The following MYRIP variants were observed in gnomAD, a reference collection of about 807,000 sequenced individuals.
MYRIP encodes the protein rab effector MyRIP.
Under a neutral mutation model 98.0 loss-of-function variants are expected in MYRIP, and 49 were observed. The observed-to-expected ratio is 0.50, with a 90% CI of 0.40 to 0.63. The LOEUF (loss-of-function observed/expected upper bound fraction) is 0.63, where lower values mean the gene tolerates loss of function less well. Ranked by LOEUF, MYRIP falls within the 30% of genes least tolerant of loss-of-function variation. The pLI is 0.00. For synonymous variants in MYRIP, 404 were observed against 409.5 expected (o/e 0.99, Z 0.16); for missense variants, 1,004 against 1,058.2 (o/e 0.95, Z 0.71).
At chr3:39,955,144 G>A (rs903681954) in intron 2 of MYRIP, among the ~76,000 whole-genome samples, 5 of 152,108 alleles carry the variant, frequency 3.3e-5, no homozygotes, top group African/African-American at 1.2e-4. Flanking sequence ...AGCAAGACAG[G>A]CCAACATTCA....
intron 2 of MYRIP, among the ~76,000 whole-genome samples, chr3:39,965,956 T>C (rs1431118611): frequency 6.6e-6 from 1 of 152,180 alleles, no homozygotes; most frequent in Admixed American, 6.6e-5. Context: ...GTGGTTGCAA[T>C]GAAATACACA....
At chr3:39,846,441 T>C (rs1941969777) in intron 1 of MYRIP, among the ~76,000 whole-genome samples, 2 of 152,218 alleles carry the variant, frequency 1.3e-5, no homozygotes. Context: ...TCATCAGCAG[T>C]ATCCCCTGGA....
chr3:40,068,682 C>T (rs934246662), intron 3 of MYRIP, among the ~76,000 whole-genome samples: 31 of 152,332 alleles, frequency 2.0e-4, no homozygotes, highest in African/African-American at 7.5e-4. Flanking sequence ...CCAGTCTCAG[C>T]CCTCTTGGGC....
At chr3:40,237,220 T>C (rs1433357015) in intron 12 of MYRIP, among the ~76,000 whole-genome samples, 2 of 152,166 alleles carry the variant, frequency 1.3e-5, no homozygotes, top group Non-Finnish European at 2.9e-5. Flanking sequence ...TCCTTTGGGC[T>C]CCCATAAAAC....
At chr3:40,075,474 T>G (rs73063961) in intron 3 of MYRIP, among the ~76,000 whole-genome samples, 4,789 of 152,290 alleles carry the variant, frequency 0.031, 119 homozygotes, top group Non-Finnish European at 0.045. Context: ...ACCTCCTGGG[T>G]GCAAATCCCA....
chr3:40,057,866 G>A (rs1947915787), intron 3 of MYRIP, among the ~76,000 whole-genome samples: 1 of 152,102 alleles, frequency 6.6e-6, no homozygotes, highest in Admixed American at 6.5e-5. Flanking sequence ...CCACTTATTT[G>A]CTGGGTGATG....
rs75139850 is a variant in MYRIP, at chr3:40,046,819, C to T, written c.332+2548C>T. Among the ~76,000 whole-genome samples, 940 of 152,022 alleles carry T rather than the reference C, an allele frequency of 6.2e-3. 9 individuals are homozygous for T. The highest frequency in any genetic ancestry group is 0.021 in the African/African-American group (883 of 41,462). ...ACTATACTGTGCTTCAGCATATTCCCCCACAAATAAAAGGAAGTATCAGTA... is the reference window on the plus strand; with the variant it reads ...ACTATACTGTGCTTCAGCATATTCCTCCACAAATAAAAGGAAGTATCAGTA... On this transcript the variant is annotated intron_variant, in intron 3 of 16. Transcript: ENST00000302541.
At chr3:40,099,887 GGGCAGCTTTAAATGAGCTTT>G (rs1181586720) in intron 3 of MYRIP, 5 of 649,632 alleles carry the variant, frequency 7.7e-6, no homozygotes, top group Non-Finnish European at 9.5e-6. Flanking sequence ...GTATTAAACC[GGGCAGCTTTAAATGAGCTTT>G]GGTGCCTCTC....
intron 2 of MYRIP, among the ~76,000 whole-genome samples, chr3:39,986,393 C>T (rs1946031544): frequency 6.6e-6 from 1 of 151,982 alleles, no homozygotes; most frequent in Non-Finnish European, 1.5e-5. Context: ...CTCTCTGTCT[C>T]TCTCTTTCTC....
Position 39,874,741 on chromosome 3 carries a change from A to G in MYRIP, c.-30-26046A>G, listed in dbSNP as rs928110789. Among the ~76,000 whole-genome samples the G allele has an allele frequency of 2.2e-4, 33 of 152,202 alleles. 1 individual carries two copies. In the Middle Eastern group the frequency reaches 0.017, roughly 78 times the overall value. On this transcript the variant is annotated intron_variant, in intron 1 of 16. Coordinates refer to ENST00000302541, the MANE Select transcript of MYRIP (RefSeq NM_015460.4). ...TTTGATGTGCTGCTGGATTCGGTTT[A>G]CCAGTATTTTATTGAGGATTTTTGC...
chr3:40,144,322 T>C (rs894470795), intron 3 of MYRIP, among the ~76,000 whole-genome samples: 1 of 152,192 alleles, frequency 6.6e-6, no homozygotes, highest in Non-Finnish European at 1.5e-5. Flanking sequence ...AGATCTCCAG[T>C]AGAAGCTCCC....
chr3:40,187,526 T>C (rs1322059829), intron 9 of MYRIP, among the ~76,000 whole-genome samples: 1 of 152,230 alleles, frequency 6.6e-6, no homozygotes, highest in Non-Finnish European at 1.5e-5. Flanking sequence ...AGTGAGGTTT[T>C]AGCTATGCCC....
At chr3:40,154,921 T>A (rs1575581225) in intron 4 of MYRIP, among the ~76,000 whole-genome samples, 2 of 152,328 alleles carry the variant, frequency 1.3e-5, no homozygotes, top group Middle Eastern at 3.4e-3. Context: ...TAGTGTTAGA[T>A]AAATAAATGG....
intron 1 of MYRIP, among the ~76,000 whole-genome samples, chr3:39,852,128 G>T (rs958205891): frequency 6.6e-6 from 1 of 152,084 alleles, no homozygotes; most frequent in Non-Finnish European, 1.5e-5. Context: ...ATAGATTTTT[G>T]AAACAGGAAA....
intron 2 of MYRIP, among the ~76,000 whole-genome samples, chr3:39,962,596 A>G (rs944057030): frequency 1.3e-5 from 2 of 152,050 alleles, no homozygotes; most frequent in Non-Finnish European, 2.9e-5. Context: ...AAGGGCCTAA[A>G]TTGCATTGCA....
At chr3:39,833,561 CA>C (rs34180686) in intron 1 of MYRIP, among the ~76,000 whole-genome samples, 29,963 of 152,098 alleles carry the variant, frequency 0.2, 3,051 homozygotes, top group South Asian at 0.29. Flanking sequence ...AATTGAGAAT[CA>C]GTGCTGTGTT....
At chr3:40,252,057 C>G in intron 16 of MYRIP, 58 bp downstream of exon 16, 1 of 1,309,900 alleles carries the variant, frequency 7.6e-7, no homozygotes, top group Admixed American at 1.8e-5. Context: ...TACCTCCACT[C>G]TGCAGCCTTT....
intron 3 of MYRIP, among the ~76,000 whole-genome samples, chr3:40,077,923 G>A (rs940869592): frequency 5.3e-5 from 8 of 150,544 alleles, no homozygotes; most frequent in Non-Finnish European, 7.4e-5. Flanking sequence ...TGCGCCCTGC[G>A]CCCGCACTCC....
chr3:40,212,117 C>T (rs9681858), intron 11 of MYRIP, among the ~76,000 whole-genome samples: 1 of 106,804 alleles, frequency 9.4e-6, no homozygotes. Context: ...TATATATATA[C>T]ATATATATAC....
Sources: allele counts gnomAD v4.1 joint callset (sites outside exome capture counted in the v4.1 genomes callset), GRCh38; gene constraint gnomAD v4.1.1; transcripts MANE v1.5; gene names NCBI Gene and HGNC (gene_info 2026-07-23, HGNC 2026-07-21).